Variants in SLC9A9 observed in about 807,000 individuals in gnomAD.
The protein encoded by SLC9A9 is solute carrier family 9 member A9, also known as sodium/hydrogen exchanger 9.
A neutral mutation model predicts 77.8 loss-of-function variants in SLC9A9; 62 were observed. That is an observed-to-expected ratio of 0.80 (90% CI 0.65 to 0.98). SLC9A9 has a LOEUF of 0.98. SLC9A9 is among the 50% of genes least tolerant of loss of function. The pLI, the probability that SLC9A9 is intolerant of heterozygous loss-of-function variation, is 0.00. For synonymous variants in SLC9A9, 320 were observed against 283.5 expected, an observed-to-expected ratio of 1.13 and a Z score of -1.29; for missense variants, 775 against 774.9, an observed-to-expected ratio of 1.00 and a Z score of 0.00.
chr3:143,668,471 A>G (rs1235170783), intron 5 of SLC9A9, among the ~76,000 whole-genome samples: 2 of 152,208 alleles, frequency 1.3e-5, no homozygotes, highest in African/African-American at 4.8e-5. Flanking sequence ...TGGAACTTAA[A>G]GTATAATAAC....
At chr3:143,827,969 G>A (rs1173335229) in intron 2 of SLC9A9, among the ~76,000 whole-genome samples, 7 of 152,170 alleles carry the variant, frequency 4.6e-5, no homozygotes, top group Admixed American at 4.6e-4. Flanking sequence ...GTCTAACTGT[G>A]AAACGCTCTA....
intron 4 of SLC9A9, among the ~76,000 whole-genome samples, chr3:143,696,437 T>C (rs1384540045): frequency 6.6e-6 from 1 of 152,182 alleles, no homozygotes. Context: ...TTTAGCAGGA[T>C]AGACAGCAAT....
intron 9 of SLC9A9, chr3:143,503,517 G>T: frequency 2.6e-6 from 1 of 380,992 alleles, no homozygotes; most frequent in South Asian, 2.0e-5. Flanking sequence ...CATCATATTT[G>T]GCACAAGTCT....
intron 8 of SLC9A9, among the ~76,000 whole-genome samples, chr3:143,566,373 C>G (rs117307592): frequency 1.3e-5 from 2 of 152,266 alleles, no homozygotes; most frequent in East Asian, 3.9e-4. Flanking sequence ...GTTGTAAACA[C>G]AACTTGCATG....
intron 7 of SLC9A9, among the ~76,000 whole-genome samples, chr3:143,576,540 G>A (rs1019324883): frequency 6.6e-6 from 1 of 152,124 alleles, no homozygotes; most frequent in South Asian, 2.1e-4. Context: ...CTCACAAAAT[G>A]TTCCTATCCT....
intron 9 of SLC9A9, among the ~76,000 whole-genome samples, chr3:143,499,552 A>G (rs1559941684): frequency 6.6e-6 from 1 of 152,070 alleles, no homozygotes; most frequent in Non-Finnish European, 1.5e-5. Flanking sequence ...TTTGATTTCC[A>G]CAGTCATGTT....
intron 11 of SLC9A9, among the ~76,000 whole-genome samples, chr3:143,492,723 T>C (rs2035769659): frequency 1.3e-5 from 2 of 152,246 alleles, no homozygotes; most frequent in Admixed American, 1.3e-4. Flanking sequence ...AAATAGTGAG[T>C]GGCAAATAGC....
chr3:143,554,238 C>T (rs2036938847), intron 8 of SLC9A9, among the ~76,000 whole-genome samples: 1 of 152,202 alleles, frequency 6.6e-6, no homozygotes, highest in Non-Finnish European at 1.5e-5. Context: ...TGAATACCTA[C>T]TGTGGGCCAA....
rs1433644938 is a variant in SLC9A9, at chr3:143,449,516, AT to A, written c.1469+17520del. ...TTATATAATTATATAAAATATAATA[AT>A]TATATAATTATATAAAATATAATTA... is the stretch of plus-strand genomic sequence containing the variant. On this transcript the variant is annotated intron_variant, in intron 12 of 15. Transcript: ENST00000316549. Among the ~76,000 whole-genome samples, 41 of 18,794 alleles carry A rather than the reference AT, an allele frequency of 2.2e-3. 6 individuals carry two copies. The highest frequency in any genetic ancestry group is 7.0e-3 in the Admixed American group (5 of 718). 12.3% of individuals were successfully genotyped at this position (18,794 alleles called of 152,430 possible). A position where few individuals can be genotyped will look rare whatever the true frequency, so the allele number is the denominator to read the frequency against.
chr3:143,814,329 G>GA, intron 2 of SLC9A9, among the ~76,000 whole-genome samples: 1 of 152,114 alleles, frequency 6.6e-6, no homozygotes, highest in East Asian at 1.9e-4. Context: ...CATCAGTATG[G>GA]AAAAAATGAG....
intron 14 of SLC9A9, among the ~76,000 whole-genome samples, chr3:143,295,669 C>A (rs970343858): frequency 3.9e-5 from 6 of 152,156 alleles, no homozygotes; most frequent in Admixed American, 2.6e-4. Flanking sequence ...CCTCTCATAT[C>A]CATCCTCATA....
At chr3:143,665,497 G>A (rs2039050282) in intron 5 of SLC9A9, among the ~76,000 whole-genome samples, 1 of 151,596 alleles carries the variant, frequency 6.6e-6, no homozygotes, top group Non-Finnish European at 1.5e-5. Flanking sequence ...AGAACTGAAG[G>A]AGATAGAGAC....
intron 2 of SLC9A9, among the ~76,000 whole-genome samples, chr3:143,804,599 C>T (rs1192594664): frequency 6.6e-6 from 1 of 152,140 alleles, no homozygotes; most frequent in African/African-American, 2.4e-5. Flanking sequence ...GGATCCTCTA[C>T]CTACGTGTGT....
At chr3:143,785,958 G>A (rs2008043085) in intron 4 of SLC9A9, among the ~76,000 whole-genome samples, 3 of 145,844 alleles carry the variant, frequency 2.1e-5, no homozygotes, top group South Asian at 2.2e-4. Context: ...CCGGGTTCAC[G>A]CCATTCTCCT....
intron 9 of SLC9A9, among the ~76,000 whole-genome samples, chr3:143,513,379 G>C (rs1343920412): frequency 6.6e-6 from 1 of 152,166 alleles, no homozygotes; most frequent in South Asian, 2.1e-4. Context: ...ATCTGTTCAA[G>C]TTTTATCATG....
At chr3:143,658,017 C>A (rs952767335) in intron 5 of SLC9A9, among the ~76,000 whole-genome samples, 1 of 152,224 alleles carries the variant, frequency 6.6e-6, no homozygotes, top group East Asian at 1.9e-4. Context: ...CAGGTGCCTG[C>A]CACCATGCCT....
At chr3:143,591,633 T>A (rs979233883) in intron 6 of SLC9A9, among the ~76,000 whole-genome samples, 6 of 152,232 alleles carry the variant, frequency 3.9e-5, no homozygotes, top group Non-Finnish European at 7.3e-5. Context: ...AGACCTGTCT[T>A]GTCCATGCAA....
intron 2 of SLC9A9, among the ~76,000 whole-genome samples, chr3:143,810,491 A>G (rs528048703): frequency 6.6e-6 from 1 of 152,366 alleles, no homozygotes; most frequent in Admixed American, 6.5e-5. Flanking sequence ...GGTAGCTGGC[A>G]AATGCAATTA....
At chr3:143,612,731 C>T (rs952699985) in intron 6 of SLC9A9, among the ~76,000 whole-genome samples, 6 of 152,232 alleles carry the variant, frequency 3.9e-5, no homozygotes, top group Admixed American at 3.9e-4. Context: ...GCTACATTTT[C>T]ATACATCCCT....
Sources: gnomAD v4.1 joint callset for allele counts (sites outside exome capture counted in the v4.1 genomes callset) on GRCh38, gnomAD v4.1.1 for gene constraint, MANE v1.5 for transcripts, NCBI Gene and HGNC (gene_info 2026-07-23, HGNC 2026-07-21) for gene names.